ZDHHC21: variants seen among roughly 807,000 people sequenced by gnomAD.
ZDHHC21 encodes the protein zDHHC palmitoyltransferase 21, also known as palmitoyltransferase ZDHHC21.
Under a neutral mutation model 34.6 loss-of-function variants are expected in ZDHHC21, and 15 were observed. That is an observed-to-expected ratio of 0.43 (90% confidence interval 0.29 to 0.67). ZDHHC21 has a LOEUF of 0.67. Among genes scored for constraint, ZDHHC21 ranks in the 30% least tolerant of loss-of-function variants. The pLI is 0.14. For missense variants in ZDHHC21, 344 were observed against 327.7 expected (o/e 1.05, Z -0.38); for synonymous variants, 142 against 101.8 (o/e 1.40, Z -2.38).
At chr9:14,686,840 G>A (rs901449108) in intron 2 of ZDHHC21, among the ~76,000 whole-genome samples, 1 of 150,290 alleles carries the variant, frequency 6.7e-6, no homozygotes, top group Admixed American at 6.6e-5. Context: ...GGGCGTGGTG[G>A]TGTGTGCCTG....
At chr9:14,621,008 T>C (rs1825209282) in intron 8 of ZDHHC21, among the ~76,000 whole-genome samples, 1 of 152,028 alleles carries the variant, frequency 6.6e-6, no homozygotes, top group Non-Finnish European at 1.5e-5. Context: ...TACAAACATA[T>C]GAGAACACTG....
At chr9:14,604,195 A>G in the ZDHHC21 span, among the ~76,000 whole-genome samples, 2 of 152,294 alleles carry the variant, frequency 1.3e-5, no homozygotes, top group Non-Finnish European at 1.5e-5. Flanking sequence ...GCAATTTGGG[A>G]AAGCTTTTAC....
intron 7 of ZDHHC21, among the ~76,000 whole-genome samples, chr9:14,652,562 G>C (rs971987053): frequency 6.6e-6 from 1 of 151,846 alleles, no homozygotes; most frequent in Non-Finnish European, 1.5e-5. Context: ...AAAACAATGG[G>C]GCACTTGCAA....
intron 4 of ZDHHC21, among the ~76,000 whole-genome samples, chr9:14,673,951 C>A (rs556178211): frequency 6.6e-6 from 1 of 152,100 alleles, no homozygotes; most frequent in Admixed American, 6.6e-5. Flanking sequence ...CTATTTTTAA[C>A]AAAATGGTCT....
At chr9:14,663,983 A>C (rs1057152914) in intron 5 of ZDHHC21, among the ~76,000 whole-genome samples, 1 of 152,164 alleles carries the variant, frequency 6.6e-6, no homozygotes, top group Non-Finnish European at 1.5e-5. Flanking sequence ...CCAGTGTTAA[A>C]ACTTTGAATT....
intron 7 of ZDHHC21, among the ~76,000 whole-genome samples, chr9:14,656,233 G>A (rs10810202): frequency 6.6e-6 from 1 of 151,756 alleles, no homozygotes; most frequent in East Asian, 1.9e-4. Context: ...GAGCTACATA[G>A]ATTATAAAAT....
chr9:14,691,615 G>C (rs968661992), intron 1 of ZDHHC21, among the ~76,000 whole-genome samples: 1 of 152,096 alleles, frequency 6.6e-6, no homozygotes, highest in African/African-American at 2.4e-5. Context: ...GTACCTCGTA[G>C]GCAAAAGTGA....
the ZDHHC21 span, among the ~76,000 whole-genome samples, chr9:14,596,812 C>G: frequency 6.6e-6 from 1 of 152,092 alleles, no homozygotes; most frequent in Non-Finnish European, 1.5e-5. Flanking sequence ...CTTGTCTCCT[C>G]CAGAAAGGGC....
chr9:14,637,971 G>C (rs969160027), intron 8 of ZDHHC21, among the ~76,000 whole-genome samples: 1 of 151,846 alleles, frequency 6.6e-6, no homozygotes, highest in Non-Finnish European at 1.5e-5. Context: ...CTACAGATTT[G>C]ATATAATCAG....
At chr9:14,669,346 G>A (rs1347478597) in intron 5 of ZDHHC21, among the ~76,000 whole-genome samples, 1 of 139,522 alleles carries the variant, frequency 7.2e-6, no homozygotes. Context: ...TAAAAAGTCA[G>A]GAAACAACAG....
chr9:14,619,744 C>T, intron 8 of ZDHHC21, 62 bp from the exon 9 acceptor site: 1 of 975,816 alleles, frequency 1.0e-6, no homozygotes, highest in Non-Finnish European at 1.4e-6. Context: ...ATTCTGTATC[C>T]ACTCTATCAT....
chr9:14,591,695 T>C, the ZDHHC21 span, among the ~76,000 whole-genome samples: 1 of 152,178 alleles, frequency 6.6e-6, no homozygotes, highest in Non-Finnish European at 1.5e-5. Context: ...ATCATCGTAT[T>C]GTCCATCATG....
chr9:14,619,752 C>G, intron 8 of ZDHHC21, 70 bp from the exon 9 acceptor site: 1 of 917,568 alleles, frequency 1.1e-6, no homozygotes, highest in Non-Finnish European at 1.5e-6. Context: ...TCCACTCTAT[C>G]ATGTTTTTAA....
chr9:14,619,143 G>A (rs1434865928), intron 9 of ZDHHC21, 45 bp from the exon 10 acceptor site: 3 of 1,557,660 alleles, frequency 1.9e-6, no homozygotes, highest in Non-Finnish European at 8.7e-7. Flanking sequence ...CTCCCATGGT[G>A]CACTTCAGTC....
At chr9:14,661,025 C>T (rs1833294971) in intron 6 of ZDHHC21, among the ~76,000 whole-genome samples, 1 of 152,128 alleles carries the variant, frequency 6.6e-6, no homozygotes, top group Non-Finnish European at 1.5e-5. Flanking sequence ...GGGAATTAAT[C>T]TTTATTCCCA....
At chr9:14,633,477 G>C (rs141215291) in intron 8 of ZDHHC21, among the ~76,000 whole-genome samples, 7 of 152,288 alleles carry the variant, frequency 4.6e-5, no homozygotes, top group Non-Finnish European at 8.8e-5. Context: ...CCGCTCCAGA[G>C]AGGAGGATCA....
In ZDHHC21 at chr9:14,674,381, T is replaced by C. The variant is rs1180507281; in HGVS notation, c.-41A>G. 3.2e-6 allele frequency: 5 copies of C among 1,562,014 alleles called. No homozygotes were observed. Among genetic ancestry groups the C allele is most frequent in the Admixed American group, 2.0e-5 (1 of 50,784 alleles). On this transcript the variant is annotated 5_prime_UTR_variant, in exon 4 of 10. Transcript: ENST00000380916. ...CTGCCTGCTAACCCACAAGGAAGGA[T>C]GATCCTAAGGAGAAGGAACAAAGAA...
At chr9:14,641,027 G>T (rs1587035096) in intron 7 of ZDHHC21, among the ~76,000 whole-genome samples, 1 of 152,136 alleles carries the variant, frequency 6.6e-6, no homozygotes, top group Non-Finnish European at 1.5e-5. Flanking sequence ...CAAGTGGATG[G>T]AAAGGACACC....
the ZDHHC21 span, among the ~76,000 whole-genome samples, chr9:14,594,410 G>T: frequency 6.6e-6 from 1 of 152,186 alleles, no homozygotes; most frequent in Non-Finnish European, 1.5e-5. Context: ...ATTACATTAC[G>T]ATCAATTGAT....
Sources: gnomAD v4.1 joint callset for allele counts (sites outside exome capture counted in the v4.1 genomes callset) on GRCh38, gnomAD v4.1.1 for gene constraint, MANE v1.5 for transcripts, NCBI Gene and HGNC (gene_info 2026-07-23, HGNC 2026-07-21) for gene names.